MZT1: variants seen among roughly 807,000 people sequenced by gnomAD.
MZT1 encodes the protein mitotic spindle organizing protein 1.
MZT1 carries 8 observed loss-of-function variants against 8.5 expected under a neutral mutation model. The ratio of observed to expected loss-of-function variants is 0.94; its 90% confidence interval spans 0.55 to 1.70. MZT1 has a LOEUF of 1.70. Among genes scored for constraint, MZT1 ranks in the 40% most tolerant of loss-of-function variants. The pLI is 0.00. For missense variants in MZT1, 93 were observed against 108.6 expected (o/e 0.86, Z 0.64); for synonymous variants, 38 against 42.0 (o/e 0.90, Z 0.37).
At position 72,708,869 on chromosome 13, in the gene MZT1, C is replaced by T. The variant is rs866120549; in HGVS notation, c.*1453G>A. ...AGAGAAGGTTGCTATTTAAATATTA[C>T]CAAATCTTAATAAAACCACTTCAGC... On this transcript the variant is annotated 3_prime_UTR_variant, in exon 3 of 3. Coordinates refer to ENST00000377818, the MANE Select transcript of MZT1 (RefSeq NM_001071775.3). 4 of 149,474 alleles carry T rather than the reference C, an allele frequency of 2.7e-5. No homozygotes were observed. The highest frequency in any genetic ancestry group is 7.0e-3 in the Middle Eastern group (2 of 284). 9.3% of individuals were successfully genotyped at this position (149,474 alleles called of 1,614,324 possible).
intron 1 of MZT1, among the ~76,000 whole-genome samples, chr13:72,720,486 C>T (rs986084569): frequency 5.9e-5 from 9 of 152,180 alleles, no homozygotes; most frequent in African/African-American, 2.2e-4. Flanking sequence ...TATTTAGTCA[C>T]CCATTAATTT....
rs769304278 is a variant in MZT1, at chr13:72,709,067, C to G, written c.*1255G>C. ...CAGGAACAGAATCAATACTATTCTA[C>G]ATTTTCTAAAATTTATTTCTAATCT... is the stretch of plus-strand genomic sequence containing the variant. On this transcript the variant is annotated 3_prime_UTR_variant, in exon 3 of 3. Transcript: ENST00000377818. The G allele has an allele frequency of 2.0e-5, 3 of 152,002 alleles. No homozygotes were observed. The highest frequency in any genetic ancestry group is 4.4e-5 in the Non-Finnish European group (3 of 67,932). 9.4% of individuals were successfully genotyped at this position (152,002 alleles called of 1,614,324 possible).
intron 2 of MZT1, among the ~76,000 whole-genome samples, chr13:72,712,568 C>T (rs191710242): frequency 5.9e-5 from 9 of 152,348 alleles, no homozygotes; most frequent in Admixed American, 4.6e-4. Flanking sequence ...ATAGTCAACA[C>T]TTTCTGATTC....
intron 2 of MZT1, among the ~76,000 whole-genome samples, chr13:72,714,888 T>A (rs1489155949): frequency 6.6e-6 from 1 of 152,166 alleles, no homozygotes. Flanking sequence ...TCATGGAGAA[T>A]CTCTACTAGA....
At chr13:72,715,398 T>C (rs1257180699) in intron 2 of MZT1, among the ~76,000 whole-genome samples, 2 of 152,098 alleles carry the variant, frequency 1.3e-5, no homozygotes, top group Non-Finnish European at 2.9e-5. Flanking sequence ...TCTCAGAACT[T>C]TGGACTTTTG....
chr13:72,725,407 T>C (rs9543102), intron 1 of MZT1, among the ~76,000 whole-genome samples: 134,268 of 152,194 alleles, frequency 0.88, 61,261 homozygotes, highest in Non-Finnish European at 0.99. Context: ...CCTGCTTCCT[T>C]CCATGTCTTT....
intron 1 of MZT1, among the ~76,000 whole-genome samples, chr13:72,723,185 T>C (rs2032606954): frequency 6.6e-6 from 1 of 152,226 alleles, no homozygotes; most frequent in Non-Finnish European, 1.5e-5. Context: ...TTCTTGCTTT[T>C]CTCCTCTGCC....
rs748174456 is a variant in MZT1, at chr13:72,727,564, GGCC to G, written c.36_38del (p.Ala16del). 544 of 1,590,536 alleles carry G rather than the reference GGCC, an allele frequency of 3.4e-4. 5 individuals carry two copies. The East Asian group carries it at 8.7e-3, about 25-fold the overall frequency. On this transcript the variant is annotated inframe_deletion, in exon 1 of 3. Coordinates refer to ENST00000377818, the MANE Select transcript of MZT1 (RefSeq NM_001071775.3). ...GCACCGCATTCAGATTCGCCGCCGC[GGCC>G]GCCGCCGCCGCCCCAGCACCGCTGC... is the stretch of plus-strand genomic sequence containing the variant.
intron 1 of MZT1, among the ~76,000 whole-genome samples, chr13:72,721,397 G>A (rs1353825261): frequency 2.0e-5 from 3 of 152,102 alleles, no homozygotes; most frequent in East Asian, 3.9e-4. Flanking sequence ...GTGTAAGCAC[G>A]GTGCACGGTT....
intron 2 of MZT1, among the ~76,000 whole-genome samples, chr13:72,717,106 A>T (rs2032543033): frequency 6.6e-6 from 1 of 152,196 alleles, no homozygotes; most frequent in Non-Finnish European, 1.5e-5. Flanking sequence ...AGAACATGTT[A>T]TTCAGACAGG....
intron 1 of MZT1, among the ~76,000 whole-genome samples, chr13:72,720,065 T>C (rs1246480783): frequency 2.0e-5 from 3 of 152,214 alleles, no homozygotes; most frequent in Non-Finnish European, 2.9e-5. Flanking sequence ...TTCCAGCACT[T>C]TGAAGTTTAT....
At chr13:72,718,428 A>G (rs2032558328) in intron 2 of MZT1, among the ~76,000 whole-genome samples, 1 of 152,144 alleles carries the variant, frequency 6.6e-6, no homozygotes. Flanking sequence ...GCACAATTCT[A>G]AAAACAGACT....
intron 2 of MZT1, among the ~76,000 whole-genome samples, chr13:72,713,629 C>T (rs2032508258): frequency 6.6e-6 from 1 of 152,120 alleles, no homozygotes. Context: ...ATCCTTCCCC[C>T]TGTTCCCCAA....
At chr13:72,711,627 C>T (rs1262127919) in intron 2 of MZT1, among the ~76,000 whole-genome samples, 1 of 151,036 alleles carries the variant, frequency 6.6e-6, no homozygotes, top group Non-Finnish European at 1.5e-5. Flanking sequence ...TTCTAAATAC[C>T]AGGAATTCTA....
chr13:72,723,903 G>C (rs530272574), intron 1 of MZT1, among the ~76,000 whole-genome samples: 1 of 152,332 alleles, frequency 6.6e-6, no homozygotes, highest in East Asian at 1.9e-4. Context: ...ATCTTACCAA[G>C]TTTGGAAGGA....
intron 2 of MZT1, among the ~76,000 whole-genome samples, chr13:72,711,712 A>AT (rs1221608507): frequency 4.6e-5 from 7 of 151,778 alleles, no homozygotes; most frequent in African/African-American, 1.7e-4. Context: ...ACAAAAAAAA[A>AT]AAATGAGAAA....
intron 1 of MZT1, among the ~76,000 whole-genome samples, chr13:72,726,745 A>G (rs2032665470): frequency 1.8e-4 from 1 of 5,686 alleles, no homozygotes; most frequent in African/African-American, 1.9e-4. Flanking sequence ...TATTTTACAG[A>G]AAAAAAAAAA....
intron 2 of MZT1, among the ~76,000 whole-genome samples, chr13:72,714,881 TGGA>T (rs2032519574): frequency 1.3e-5 from 2 of 152,308 alleles, no homozygotes; most frequent in Admixed American, 1.3e-4. Flanking sequence ...GGAGCCCTCA[TGGA>T]GAATCTCTAC....
intron 2 of MZT1, among the ~76,000 whole-genome samples, chr13:72,713,394 C>T (rs2032506065): frequency 6.6e-6 from 1 of 152,080 alleles, no homozygotes; most frequent in South Asian, 2.1e-4. Context: ...CCCCATCTTC[C>T]CCACCTCACA....
Sources: gnomAD v4.1 joint callset for allele counts (sites outside exome capture counted in the v4.1 genomes callset) on GRCh38, gnomAD v4.1.1 for gene constraint, MANE v1.5 for transcripts, NCBI Gene and HGNC (gene_info 2026-07-23, HGNC 2026-07-21) for gene names.